NPFFR2: variants seen among roughly 807,000 people sequenced by gnomAD.
NPFFR2 encodes the protein neuropeptide FF receptor 2.
A neutral mutation model predicts 13.1 loss-of-function variants in NPFFR2; 15 were observed. That is an observed-to-expected ratio of 1.15 (90% CI 0.77 to 1.76). The LOEUF is 1.76. NPFFR2 is among the 40% of genes most tolerant of loss of function. NPFFR2 has a pLI of 0.00. For missense variants in NPFFR2, 572 were observed against 503.5 expected (o/e 1.14, Z -1.30); for synonymous variants, 190 against 175.7 (o/e 1.08, Z -0.65).
intron 3 of NPFFR2, among the ~76,000 whole-genome samples, chr4:72,144,183 A>G (rs1024253891): frequency 1.6e-5 from 2 of 126,326 alleles, no homozygotes; most frequent in African/African-American, 7.4e-5. Flanking sequence ...TAGTCCAGGG[A>G]GAACTTGAAT....
chr4:72,099,259 T>C lies in NPFFR2; in HGVS notation c.-7-29326T>C, dbSNP rs1317975155. Among the ~76,000 whole-genome samples, 4 of 152,158 alleles carry C rather than the reference T, an allele frequency of 2.6e-5. No homozygotes were observed. In the East Asian group the frequency reaches 7.7e-4, roughly 29 times the overall value. The stretch of plus-strand genomic sequence containing the variant: ...TTGCTGTTTGTAAATATTGTGTTAA[T>C]GTCTGTTGAGACCAGAACAATGGAT... On this transcript the variant is annotated intron_variant, in intron 1 of 3. Coordinates refer to ENST00000308744, the MANE Select transcript of NPFFR2 (RefSeq NM_004885.3).
intron 1 of NPFFR2, among the ~76,000 whole-genome samples, chr4:72,121,134 C>T (rs1165541370): frequency 6.6e-6 from 1 of 151,418 alleles, no homozygotes; most frequent in Non-Finnish European, 1.5e-5. Flanking sequence ...ATCGATCAAG[C>T]GGAAGAAAGG....
intron 1 of NPFFR2, among the ~76,000 whole-genome samples, chr4:72,063,059 G>C (rs1298258892): frequency 6.6e-6 from 1 of 152,176 alleles, no homozygotes; most frequent in African/African-American, 2.4e-5. Context: ...TGAGCAGTAA[G>C]TATATTTAAA....
At chr4:72,116,795 G>T (rs1721725289) in intron 1 of NPFFR2, among the ~76,000 whole-genome samples, 1 of 151,980 alleles carries the variant, frequency 6.6e-6, no homozygotes, top group African/African-American at 2.4e-5. Context: ...TGTCACTCTG[G>T]TCTTCTACAT....
In NPFFR2 at chr4:72,072,510, A is replaced by C. The variant is rs757812697; in HGVS notation, c.-8+40310A>C. ...ACTTGAAGATAGGACCATAGAAATTATTGTCTGAGAAACAGAAAGAAAAAA... is the reference window on the plus strand; with the variant it reads ...ACTTGAAGATAGGACCATAGAAATTCTTGTCTGAGAAACAGAAAGAAAAAA... On this transcript the variant is annotated intron_variant, in intron 1 of 3. Coordinates refer to ENST00000308744, the MANE Select transcript of NPFFR2 (RefSeq NM_004885.3). Among the ~76,000 whole-genome samples the C allele has an allele frequency of 7.2e-4, 110 of 152,166 alleles. 1 individual carries two copies. The highest frequency in any genetic ancestry group is 1.8e-4 in the Non-Finnish European group (12 of 68,026).
Position 72,038,901 on chromosome 4 carries a change from C to CTTTTTTTTTTTTTTTTTT in NPFFR2, c.-8+6704_-8+6705insTTTTTTTTTTTTTTTTTT, listed in dbSNP as rs34623356. On this transcript the variant is annotated intron_variant, in intron 1 of 3. Coordinates refer to ENST00000308744, the MANE Select transcript of NPFFR2 (RefSeq NM_004885.3). ...TTTTAATTCTTGATTTTTAAATTTCCTTTCTTTTTTTTTTTTTTTTTTTTT... is the reference window on the plus strand; with the variant it reads ...TTTTAATTCTTGATTTTTAAATTTCCTTTTTTTTTTTTTTTTTTTTTCTTTTTTTTTTTTTTTTTTTTT... 2.8e-4 allele frequency among the ~76,000 whole-genome samples: 24 copies of CTTTTTTTTTTTTTTTTTT among 86,974 alleles called. 10 individuals are homozygous for CTTTTTTTTTTTTTTTTTT. The highest frequency in any genetic ancestry group is 4.0e-4 in the Non-Finnish European group (18 of 44,610). The allele number at this position is 86,974 out of a possible 152,430, so 57.1% of individuals were successfully genotyped here. A position where few individuals can be genotyped will look rare whatever the true frequency, so the allele number is the denominator to read the frequency against.
At chr4:72,039,512 T>C in intron 1 of NPFFR2, 1 of 426,612 alleles carries the variant, frequency 2.3e-6, no homozygotes, top group East Asian at 1.6e-4. Flanking sequence ...TGTCATCATT[T>C]AAAAAATATA....
Position 72,147,891 on chromosome 4 carries a change from A to C in NPFFR2, c.*79A>C. The C allele has an allele frequency of 9.2e-7, 1 of 1,090,582 alleles. No homozygotes were observed. The highest frequency in any genetic ancestry group is 2.7e-5 in the East Asian group (1 of 37,338). The allele number at this position is 1,090,582 out of a possible 1,614,324, so 67.6% of individuals were successfully genotyped here. ...TTGCTTTTTGTGGCTTTGCACTTCAAATTTTTCAAAGAATGTTCTAAATAA... is the reference window on the plus strand; with the variant it reads ...TTGCTTTTTGTGGCTTTGCACTTCACATTTTTCAAAGAATGTTCTAAATAA... On this transcript the variant is annotated 3_prime_UTR_variant, in exon 4 of 4. Coordinates refer to ENST00000308744, the MANE Select transcript of NPFFR2 (RefSeq NM_004885.3).
chr4:72,115,669 A>T (rs956823311), intron 1 of NPFFR2, among the ~76,000 whole-genome samples: 1 of 152,148 alleles, frequency 6.6e-6, no homozygotes, highest in Non-Finnish European at 1.5e-5. Flanking sequence ...CATTTTCATG[A>T]AAGTTCTTTC....
At chr4:72,093,329 G>T (rs1378299944) in intron 1 of NPFFR2, among the ~76,000 whole-genome samples, 1 of 152,124 alleles carries the variant, frequency 6.6e-6, no homozygotes, top group Non-Finnish European at 1.5e-5. Flanking sequence ...TTTTTGCAAT[G>T]AATTTGGCAG....
chr4:72,105,904 C>T (rs1036632364), intron 1 of NPFFR2, among the ~76,000 whole-genome samples: 4 of 152,014 alleles, frequency 2.6e-5, no homozygotes, highest in Admixed American at 1.3e-4. Flanking sequence ...ATAACACTAT[C>T]GAACTACCCT....
chr4:72,044,403 C>A (rs1308259928), intron 1 of NPFFR2, among the ~76,000 whole-genome samples: 2 of 152,142 alleles, frequency 1.3e-5, no homozygotes, highest in African/African-American at 4.8e-5. Context: ...GGTCTAATTT[C>A]ATTCTTCTGT....
rs138820836 is a variant in NPFFR2, at chr4:72,147,560, C to T, written c.1011C>T (p.Asn337=). The part of the protein sequence containing the change: ...SVNPIIYGFF[N]ENFRRGFQEA... The stretch of plus-strand genomic sequence containing the variant: ...ATCCCATCATTTATGGTTTCTTCAA[C>T]GAGAATTTCCGCCGTGGTTTCCAAG... The change falls in exon 4 of 4, where the codon AAC becomes AAT. Residue 337 remains asparagine, a synonymous_variant. Coordinates refer to ENST00000308744, the MANE Select transcript of NPFFR2 (RefSeq NM_004885.3). 1.2e-4 allele frequency: 201 copies of T among 1,614,158 alleles called. 1 individual carries two copies. In the African/African-American group the frequency reaches 1.7e-3, roughly 14 times the overall value.
At chr4:72,130,002 C>T (rs1722184020) in intron 2 of NPFFR2, among the ~76,000 whole-genome samples, 1 of 140,198 alleles carries the variant, frequency 7.1e-6, no homozygotes, top group Non-Finnish European at 1.5e-5. Context: ...CTGCACCGCC[C>T]TTAATCCATT....
chr4:72,100,155 A>G (rs746220608), intron 1 of NPFFR2, among the ~76,000 whole-genome samples: 8 of 152,188 alleles, frequency 5.3e-5, no homozygotes, highest in Non-Finnish European at 7.3e-5. Context: ...CATTCTAAAG[A>G]TGACTATAAG....
intron 1 of NPFFR2, among the ~76,000 whole-genome samples, chr4:72,081,315 C>A (rs1375372396): frequency 6.6e-6 from 1 of 152,116 alleles, no homozygotes; most frequent in African/African-American, 2.4e-5. Flanking sequence ...GGCCTGCAAA[C>A]CCAAAATATT....
At chr4:72,141,757 C>T (rs558343001) in intron 3 of NPFFR2, among the ~76,000 whole-genome samples, 15 of 152,200 alleles carry the variant, frequency 9.9e-5, no homozygotes, top group East Asian at 1.9e-4. Flanking sequence ...GTGGAGAGTT[C>T]GGTAGGCATC....
At chr4:72,075,993 A>C (rs1163088011) in intron 1 of NPFFR2, among the ~76,000 whole-genome samples, 16 of 16,746 alleles carry the variant, frequency 9.6e-4, no homozygotes, top group African/African-American at 1.3e-3. Flanking sequence ...ACACACACAC[A>C]CACACACACA....
At chr4:72,081,713 G>C (rs1578442943) in intron 1 of NPFFR2, among the ~76,000 whole-genome samples, 1 of 151,854 alleles carries the variant, frequency 6.6e-6, no homozygotes, top group East Asian at 1.9e-4. Flanking sequence ...CTTGTCTTGA[G>C]CCTCTGGGCT....
Sources: allele counts gnomAD v4.1 joint callset (sites outside exome capture counted in the v4.1 genomes callset), GRCh38; gene constraint gnomAD v4.1.1; transcripts MANE v1.5; gene names NCBI Gene and HGNC (gene_info 2026-07-23, HGNC 2026-07-21).